DEPDC5: variants seen among roughly 807,000 people sequenced by gnomAD.
DEPDC5 encodes the protein GATOR1 complex protein DEPDC5.
A neutral mutation model predicts 217.3 loss-of-function variants in DEPDC5; 73 were observed. The observed-to-expected ratio is 0.34, with a 90% confidence interval of 0.28 to 0.41. DEPDC5 has a LOEUF of 0.41. DEPDC5 is among the 10% of genes least tolerant of loss of function. DEPDC5 has a pLI of 1.00. For missense variants in DEPDC5, 1,675 were observed against 2,070.1 expected (o/e 0.81, Z 3.70); for synonymous variants, 733 against 756.7 (o/e 0.97, Z 0.51).
chr22:31,879,158 T>A (rs1039357922), intron 37 of DEPDC5, among the ~76,000 whole-genome samples: 10 of 146,914 alleles, frequency 6.8e-5, no homozygotes, highest in Admixed American at 6.1e-4. Context: ...GAAGTGAAAT[T>A]CACATGATAT....
intron 4 of DEPDC5, among the ~76,000 whole-genome samples, chr22:31,763,507 G>A (rs1308874761): frequency 2.0e-5 from 3 of 151,124 alleles, no homozygotes; most frequent in Admixed American, 6.6e-5. Flanking sequence ...GTGCAGTCAC[G>A]GCTCACTGCA....
chr22:31,781,139 C>A (rs924725522), intron 8 of DEPDC5, among the ~76,000 whole-genome samples: 3 of 151,504 alleles, frequency 2.0e-5, no homozygotes, highest in South Asian at 2.1e-4. Context: ...TCTCTTGAAC[C>A]CGGGAGGCAG....
In DEPDC5 at chr22:31,810,763, G is replaced by C. The variant is rs1032968051; in HGVS notation, c.1445+122G>C. ...GTTTTGTTTTGTTTTGTTTCGTTTT[G>C]GTTTTTTGTTTGTTTTGTTTTGTTT... On this transcript the variant is annotated intron_variant, in intron 20 of 42. Coordinates refer to ENST00000651528, the MANE Select transcript of DEPDC5 (RefSeq NM_001242896.3). 5 of 1,494,788 alleles carry C rather than the reference G, an allele frequency of 3.3e-6. No individual in the cohort carries two copies. The East Asian group carries it at 1.1e-4, about 34-fold the overall frequency. The allele number at this position is 1,494,788 out of a possible 1,614,324, so 92.6% of individuals were successfully genotyped here. A position where few individuals can be genotyped will look rare whatever the true frequency, so the allele number is the denominator to read the frequency against.
At chr22:31,782,436 C>T (rs959736700) in intron 8 of DEPDC5, among the ~76,000 whole-genome samples, 13 of 152,184 alleles carry the variant, frequency 8.5e-5, no homozygotes, top group African/African-American at 3.1e-4. Flanking sequence ...CGTGCCCGGC[C>T]AGGAGCTTCA....
intron 28 of DEPDC5, 48 bp downstream of exon 28, chr22:31,843,260 G>A (rs2091507565): frequency 6.4e-7 from 1 of 1,553,824 alleles, no homozygotes; most frequent in Admixed American, 1.7e-5. Flanking sequence ...CTGAATTATG[G>A]CCACATACTA....
chr22:31,807,404 T>C (rs1193340243), intron 18 of DEPDC5, among the ~76,000 whole-genome samples: 1 of 152,200 alleles, frequency 6.6e-6, no homozygotes, highest in Non-Finnish European at 1.5e-5. Context: ...AATGCAAGTT[T>C]TAAGAATTTT....
chr22:31,840,390 A>G (rs1280577760), intron 27 of DEPDC5, among the ~76,000 whole-genome samples: 2 of 152,252 alleles, frequency 1.3e-5, no homozygotes, highest in Non-Finnish European at 2.9e-5. Flanking sequence ...GAAGGCTGAT[A>G]TGATGGAGCA....
At position 31,817,387 on chromosome 22, in the gene DEPDC5, G is replaced by C. The variant is rs535835035; in HGVS notation, c.1667-1635G>C. 1.2e-5 allele frequency: 5 copies of C among 404,172 alleles called. No homozygotes were observed. The East Asian group carries it at 3.5e-4, about 28-fold the overall frequency. 25.0% of individuals were successfully genotyped at this position (404,172 alleles called of 1,614,324 possible). On this transcript the variant is annotated intron_variant, in intron 21 of 42. Transcript: ENST00000651528. ...AGCCTCCCAAAGTGCTGGGATTACG[G>C]GCGTGAGCCACCTTGCCTGGCCAAA... is the stretch of plus-strand genomic sequence containing the variant.
intron 38 of DEPDC5, among the ~76,000 whole-genome samples, chr22:31,888,636 A>G (rs2093371198): frequency 6.6e-6 from 1 of 151,400 alleles, no homozygotes; most frequent in Non-Finnish European, 1.5e-5. Flanking sequence ...TGCAGCGTCA[A>G]CCTTCTGGTT....
chr22:31,826,380 A>G (rs2090145453), intron 24 of DEPDC5: 3 of 357,750 alleles, frequency 8.4e-6, no homozygotes, highest in South Asian at 2.2e-5. Flanking sequence ...TGAGCACTCA[A>G]CAAATAGGAG....
In DEPDC5 at chr22:31,861,443, A is replaced by C. The variant is rs1445190791; in HGVS notation, c.3330+10A>C. On this transcript the variant is annotated intron_variant, in intron 33 of 42. Transcript: ENST00000651528. ...CGCCTTCTACCCTCAGGTTAGTCCA[A>C]CTCCAGGGCTTCGCATGCCTGTCCC... The C allele has an allele frequency of 6.4e-7, 1 of 1,550,564 alleles. No homozygotes were observed. The highest frequency in any genetic ancestry group is 1.2e-5 in the South Asian group (1 of 83,998).
At chr22:31,780,500 C>G (rs1003100443) in intron 8 of DEPDC5, among the ~76,000 whole-genome samples, 1 of 152,140 alleles carries the variant, frequency 6.6e-6, no homozygotes, top group African/African-American at 2.4e-5. Flanking sequence ...CCACTGCCCC[C>G]CAGTGTCCTC....
chr22:31,880,747 A>G (rs983633043), intron 38 of DEPDC5, among the ~76,000 whole-genome samples: 1 of 151,966 alleles, frequency 6.6e-6, no homozygotes, highest in Non-Finnish European at 1.5e-5. Flanking sequence ...TAAAAATACA[A>G]AATTAGATGG....
intron 3 of DEPDC5, 81 bp from the exon 4 acceptor site, chr22:31,760,575 A>G: frequency 1.6e-6 from 2 of 1,245,602 alleles, no homozygotes; most frequent in Middle Eastern, 3.8e-4. Flanking sequence ...AGAGTGACCT[A>G]TTTGCCTTTT....
Position 31,768,178 on chromosome 22 carries a change from T to G in DEPDC5, c.364-636T>G, listed in dbSNP as rs1476932504. On this transcript the variant is annotated intron_variant, in intron 6 of 42. Coordinates refer to ENST00000651528, the MANE Select transcript of DEPDC5 (RefSeq NM_001242896.3). ...GTTCTTTAATGGTGATTCGTGAGAT[T>G]TTGATGCACCCATTACCCAAACAGT... 2.6e-5 allele frequency among the ~76,000 whole-genome samples: 4 copies of G among 151,954 alleles called. No homozygotes were observed. The East Asian group carries it at 5.8e-4, about 22-fold the overall frequency.
chr22:31,776,250 T>C (rs2083840742), intron 7 of DEPDC5, among the ~76,000 whole-genome samples: 1 of 151,850 alleles, frequency 6.6e-6, no homozygotes, highest in South Asian at 2.1e-4. Context: ...TAGCTGGGAC[T>C]ACAGCATGTG....
At chr22:31,767,304 C>T (rs1057179399) in intron 6 of DEPDC5, among the ~76,000 whole-genome samples, 4 of 151,836 alleles carry the variant, frequency 2.6e-5, no homozygotes, top group Admixed American at 2.0e-4. Flanking sequence ...CCATGCCCGG[C>T]TAATTTTTTT....
chr22:31,879,783 G>A (rs1432767836), intron 38 of DEPDC5, 31 bp downstream of exon 38: 6 of 1,589,298 alleles, frequency 3.8e-6, no homozygotes, highest in Non-Finnish European at 5.1e-6. Context: ...AGGTCTGAGG[G>A]TGTGCCAGTG....
chr22:31,806,032 AGG>A (rs912814232), intron 17 of DEPDC5, 88 bp from the exon 18 acceptor site: 8 of 1,093,598 alleles, frequency 7.3e-6, no homozygotes, highest in Non-Finnish European at 8.2e-6. Flanking sequence ...CCATGTCAGG[AGG>A]GCTGATCCAT....
Sources: allele counts gnomAD v4.1 joint callset (sites outside exome capture counted in the v4.1 genomes callset), GRCh38; gene constraint gnomAD v4.1.1; transcripts MANE v1.5; gene names NCBI Gene and HGNC (gene_info 2026-07-23, HGNC 2026-07-21).